The following SEZ6 variants were observed in gnomAD, a reference collection of about 807,000 sequenced individuals.
SEZ6 encodes seizure protein 6 homolog.
A neutral mutation model predicts 101.0 loss-of-function variants in SEZ6; 53 were observed. That is an observed-to-expected ratio of 0.52 (90% CI 0.42 to 0.66). SEZ6 has a LOEUF of 0.66. SEZ6 is among the 30% of genes least tolerant of loss of function. SEZ6 has a pLI of 0.00. For missense variants in SEZ6, 1,102 were observed against 1,289.4 expected, an observed-to-expected ratio of 0.85 and a Z score of 2.23; for synonymous variants, 488 against 512.2, an observed-to-expected ratio of 0.95 and a Z score of 0.64.
chr17:28,962,142 C>A (rs2040987364), intron 5 of SEZ6, among the ~76,000 whole-genome samples: 1 of 152,176 alleles, frequency 6.6e-6, no homozygotes, highest in Non-Finnish European at 1.5e-5. Flanking sequence ...CCCCGCATAC[C>A]CTCTGCTTCA....
chr17:28,958,890 C>T (rs1598178112), intron 10 of SEZ6, 135 bp downstream of exon 10: 1 of 1,006,554 alleles, frequency 9.9e-7, no homozygotes, highest in Non-Finnish European at 1.4e-6. Flanking sequence ...ACAGGACTAG[C>T]TTCCTCCAGG....
chr17:28,981,118 A>T (rs2041294082), intron 2 of SEZ6, among the ~76,000 whole-genome samples: 1 of 150,216 alleles, frequency 6.7e-6, no homozygotes, highest in African/African-American at 2.5e-5. Context: ...AGGGTCTTGA[A>T]CTCCTGACCT....
At chr17:28,995,498 C>T (rs755051122) in intron 1 of SEZ6, among the ~76,000 whole-genome samples, 6 of 152,066 alleles carry the variant, frequency 3.9e-5, no homozygotes, top group Non-Finnish European at 8.8e-5. Context: ...GTCTCCATCC[C>T]GCAGGTGGAG....
intron 3 of SEZ6, among the ~76,000 whole-genome samples, chr17:28,970,336 G>T (rs543274698): frequency 6.6e-6 from 1 of 152,234 alleles, no homozygotes; most frequent in Non-Finnish European, 1.5e-5. Context: ...GATGGTGTCC[G>T]AGGCCCTGGT....
intron 11 of SEZ6, 90 bp from the exon 12 acceptor site, chr17:28,957,629 C>A: frequency 1.4e-6 from 2 of 1,398,006 alleles, no homozygotes; most frequent in Non-Finnish European, 1.9e-6. Flanking sequence ...CAGCTAACTT[C>A]TTCATGTCGT....
Position 28,955,331 on chromosome 17 carries a change from C to T in SEZ6, c.*631G>A, listed in dbSNP as rs533408564. The stretch of plus-strand genomic sequence containing the variant: ...GTGGAGCATGAGTGCCCAGGGAAGC[C>T]CAACCTGAGGTGGGGGTAGGGTCCC... On this transcript the variant is annotated 3_prime_UTR_variant, in exon 17 of 17. Transcript: ENST00000317338. The T allele has an allele frequency of 1.6e-4, 40 of 254,950 alleles. No homozygotes were observed. Among genetic ancestry groups the T allele is most frequent in the African/African-American group, 8.2e-4 (37 of 45,016 alleles). The allele number at this position is 254,950 out of a possible 1,614,324, so 15.8% of individuals were successfully genotyped here.
At chr17:29,000,774 G>A (rs771161621) in intron 1 of SEZ6, among the ~76,000 whole-genome samples, 1 of 152,146 alleles carries the variant, frequency 6.6e-6, no homozygotes, top group Non-Finnish European at 1.5e-5. Context: ...AAGTCCATTC[G>A]AGGCATCCCT....
Position 29,005,870 on chromosome 17 carries a change from G to T in SEZ6, c.-1C>A. The T allele has an allele frequency of 6.9e-7, 1 of 1,459,848 alleles. No homozygotes were observed. Among genetic ancestry groups the T allele is most frequent in the South Asian group, 1.3e-5 (1 of 78,510 alleles). 90.4% of individuals were successfully genotyped at this position (1,459,848 alleles called of 1,614,324 possible). A position where few individuals can be genotyped will look rare whatever the true frequency, so the allele number is the denominator to read the frequency against. ...GGAGCAGCAGGGCTACCGGGCGCATGGTGCTGGTTGCGGCCGCGCCCTGGG... is the reference window on the plus strand; with the variant it reads ...GGAGCAGCAGGGCTACCGGGCGCATTGTGCTGGTTGCGGCCGCGCCCTGGG... On this transcript the variant is annotated 5_prime_UTR_variant, in exon 1 of 17. Transcript: ENST00000317338. The surrounding 1 kb of genome is among the most constrained non-coding windows in gnomAD (Gnocchi z 4.8).
intron 1 of SEZ6, among the ~76,000 whole-genome samples, chr17:28,988,848 G>T (rs1598206500): frequency 6.6e-6 from 1 of 152,332 alleles, no homozygotes; most frequent in South Asian, 2.1e-4. Context: ...GTTTTCCCAA[G>T]TCACACAGCA....
chr17:28,960,723 T>A, intron 6 of SEZ6, 52 bp from the exon 7 acceptor site: 1 of 1,610,460 alleles, frequency 6.2e-7, no homozygotes, highest in South Asian at 1.1e-5. Context: ...CCAGATGGGG[T>A]GTGGCCCCAG....
At chr17:28,957,727 A>C (rs1015813571) in intron 11 of SEZ6, 188 bp from the exon 12 acceptor site, 35 of 859,794 alleles carry the variant, frequency 4.1e-5, no homozygotes, top group Non-Finnish European at 1.4e-5. Context: ...GTTCGATAAA[A>C]ACTGATTGGC....
chr17:28,981,688 T>C lies in SEZ6; in HGVS notation c.407A>G (p.Lys136Arg), dbSNP rs2041307517. Residue 136 changes from lysine to arginine, a missense_variant, in exon 2 of 17, where the codon AAG (lysine) becomes AGG (arginine). Physicochemically the swap from Lys to Arg is conservative, Grantham distance 26 (BLOSUM62 2). Coordinates refer to ENST00000317338, the MANE Select transcript of SEZ6 (RefSeq NM_178860.5). ...MAAVPTQPQSKEGPWSPESES... is the reference protein window; with the variant it reads ...MAAVPTQPQSREGPWSPESES... ...TGACTCCGGACTCCAGGGTCCCTCC[T>C]TGGACTGGGGCTGAGTGGGTACCGC... is the stretch of plus-strand genomic sequence containing the variant. 1.9e-6 allele frequency: 3 copies of C among 1,581,810 alleles called. No homozygotes were observed. Among genetic ancestry groups the C allele is most frequent in the Non-Finnish European group, 2.6e-6 (3 of 1,159,812 alleles).
chr17:28,972,330 C>G (rs2041162780), intron 3 of SEZ6, among the ~76,000 whole-genome samples: 1 of 152,234 alleles, frequency 6.6e-6, no homozygotes, highest in Non-Finnish European at 1.5e-5. Flanking sequence ...CATTCCCCAT[C>G]AGATACCTGT....
intron 3 of SEZ6, among the ~76,000 whole-genome samples, chr17:28,971,771 G>A (rs2041155052): frequency 6.6e-6 from 1 of 152,210 alleles, no homozygotes; most frequent in Non-Finnish European, 1.5e-5. Context: ...TGGCATCAGT[G>A]AGTCACCAAA....
At chr17:28,968,146 G>A (rs2041098906) in intron 4 of SEZ6, among the ~76,000 whole-genome samples, 1 of 152,120 alleles carries the variant, frequency 6.6e-6, no homozygotes. Context: ...CCCTCTTCTG[G>A]CACCCTCTTT....
intron 1 of SEZ6, among the ~76,000 whole-genome samples, chr17:29,001,011 A>T (rs979675612): frequency 3.9e-5 from 6 of 152,172 alleles, no homozygotes; most frequent in Non-Finnish European, 8.8e-5. Context: ...CAGAATGGCC[A>T]TCAGCACCCT....
intron 1 of SEZ6, among the ~76,000 whole-genome samples, chr17:29,003,545 C>A (rs1456635035): frequency 6.6e-6 from 1 of 152,252 alleles, no homozygotes; most frequent in Non-Finnish European, 1.5e-5. Flanking sequence ...ATGCACCCCT[C>A]GGGCCGAAAA....
chr17:28,980,556 G>A (rs1478739834), intron 2 of SEZ6, among the ~76,000 whole-genome samples: 1 of 151,990 alleles, frequency 6.6e-6, no homozygotes, highest in Non-Finnish European at 1.5e-5. Flanking sequence ...TTTTTTAGTA[G>A]AGATGGGGTT....
chr17:28,964,561 A>G (rs2041033242), intron 4 of SEZ6, among the ~76,000 whole-genome samples: 1 of 152,230 alleles, frequency 6.6e-6, no homozygotes, highest in Admixed American at 6.5e-5. Flanking sequence ...TCTTCAGGAA[A>G]TGCTTATTGA....
Sources: allele counts gnomAD v4.1 joint callset (sites outside exome capture counted in the v4.1 genomes callset), GRCh38; gene constraint gnomAD v4.1.1; non-coding constraint Gnocchi (gnomAD v3.1); transcripts MANE v1.5; gene names NCBI Gene and HGNC (gene_info 2026-07-23, HGNC 2026-07-21).